Variants in RIPK4 observed in about 807,000 individuals in gnomAD.
RIPK4 encodes the protein receptor-interacting serine/threonine-protein kinase 4.
A neutral mutation model predicts 42.9 loss-of-function variants in RIPK4; 17 were observed. The ratio of observed to expected loss-of-function variants is 0.40; its 90% CI spans 0.27 to 0.59. RIPK4 has a LOEUF of 0.59. Ranked by LOEUF, RIPK4 falls within the 20% of genes least tolerant of loss-of-function variation. The pLI is 0.47. For synonymous variants in RIPK4, 498 were observed against 499.1 expected (o/e 1.00, Z 0.03); for missense variants, 897 against 1,104.4 (o/e 0.81, Z 2.66).
intron 1 of RIPK4, among the ~76,000 whole-genome samples, chr21:41,759,175 T>C (rs1333003919): frequency 6.6e-6 from 1 of 152,140 alleles, no homozygotes; most frequent in East Asian, 1.9e-4. Flanking sequence ...CCTAGCTCAC[T>C]GCAACCTCTA....
At chr21:41,744,250 A>G in intron 6 of RIPK4, 110 bp from the exon 7 acceptor site, 1 of 1,066,810 alleles carries the variant, frequency 9.4e-7, no homozygotes, top group Non-Finnish European at 1.3e-6. Context: ...GAGATGGGGG[A>G]GGAAAGGACG....
intron 6 of RIPK4, among the ~76,000 whole-genome samples, chr21:41,745,031 C>A (rs1182879441): frequency 6.6e-6 from 1 of 152,170 alleles, no homozygotes; most frequent in East Asian, 1.9e-4. Context: ...GTGTACCGAG[C>A]CACCCCTACA....
In RIPK4 at chr21:41,756,672, A is replaced by G. The variant is rs2277791; in HGVS notation, c.327T>C (p.Ala109=). 0.14 allele frequency: 219,035 copies of G among 1,614,038 alleles called. 15,923 individuals are homozygous for G. Among genetic ancestry groups the G allele is most frequent in the Middle Eastern group, 0.22 (1,359 of 6,062 alleles). Residue 109 remains alanine (A), a synonymous_variant, in exon 2 of 8, where the codon GCT becomes GCC. Transcript: ENST00000332512. ...METGSLEKLL[A]SEPLPWDLRF... The stretch of plus-strand genomic sequence containing the variant: ...GGAGATCCCATGGCAATGGCTCCGA[A>G]GCCAGCAGCTTTTCCAGGGAGCCCG...
rs1402485765 is a variant in RIPK4 at position 41,760,780 on chromosome 21, C to T, written c.183-3964G>A. Among the ~76,000 whole-genome samples the T allele has an allele frequency of 2.0e-5, 3 of 151,904 alleles. 1 individual carries two copies. The highest frequency in any genetic ancestry group is 7.3e-5 in the African/African-American group (3 of 41,350). On this transcript the variant is annotated intron_variant, in intron 1 of 7. Transcript: ENST00000332512. ...TGGGGGGTGTGGGGGGTGGGCAGGTCGAGTGTGTCTGAATACACTCAAGGA... is the reference window on the plus strand; with the variant it reads ...TGGGGGGTGTGGGGGGTGGGCAGGTTGAGTGTGTCTGAATACACTCAAGGA...
chr21:41,764,129 G>C (rs1465942171), intron 1 of RIPK4, among the ~76,000 whole-genome samples: 1 of 152,136 alleles, frequency 6.6e-6, no homozygotes, highest in African/African-American at 2.4e-5. Context: ...TCCTGTCCCT[G>C]GGAGCCTCGC....
chr21:41,764,930 C>G lies in RIPK4; in HGVS notation c.182+1930G>C, dbSNP rs139749225. ...ACCTCGACCTAGCCACCTGACATGC[C>G]ACCACCTGTCTGCTTTGGGCAGGGT... On this transcript the variant is annotated intron_variant, in intron 1 of 7. Coordinates refer to ENST00000332512, the MANE Select transcript of RIPK4 (RefSeq NM_020639.3). Among the ~76,000 whole-genome samples, 32 of 152,342 alleles carry G rather than the reference C, an allele frequency of 2.1e-4. No homozygotes were observed. The East Asian group carries it at 6.0e-3, about 28-fold the overall frequency.
chr21:41,743,411 C>A (rs889841297), intron 7 of RIPK4, among the ~76,000 whole-genome samples: 1 of 152,260 alleles, frequency 6.6e-6, no homozygotes, highest in Non-Finnish European at 1.5e-5. Flanking sequence ...GGTGGTAAAA[C>A]CTCCAAGGAT....
At chr21:41,757,912 T>G (rs2061208724) in intron 1 of RIPK4, among the ~76,000 whole-genome samples, 1 of 143,372 alleles carries the variant, frequency 7.0e-6, no homozygotes, top group African/African-American at 2.6e-5. Context: ...AACAGGAGAA[T>G]CACTTGAACC....
In RIPK4 at chr21:41,751,107, C is replaced by A. The variant is rs768158256; in HGVS notation, c.613G>T (p.Asp205Tyr). 6.2e-7 allele frequency: 1 copy of A among 1,613,892 alleles called. No homozygotes were observed. The highest frequency in any genetic ancestry group is 8.5e-7 in the Non-Finnish European group (1 of 1,179,964). The change falls in exon 3 of 8, where the codon GAT becomes TAT. Residue 205 changes from aspartate to tyrosine, a missense_variant. Asp to Tyr is a radical substitution (Grantham distance 160, BLOSUM62 -3). Coordinates refer to ENST00000332512, the MANE Select transcript of RIPK4 (RefSeq NM_020639.3). The surrounding 1 kb of genome is among the most constrained non-coding windows in gnomAD (Gnocchi z 4.5). ...CGGCATGTCACACACCTGTATACAT[C>A]GTGCTTGGTGTCGAAGAGCCGGCTC... ...EKSRLFDTKHDVYSFAIVIWG... is the reference protein window; with the variant it reads ...EKSRLFDTKHYVYSFAIVIWG...
At position 41,756,735 on chromosome 21, in the gene RIPK4, G is replaced by A; in HGVS notation, c.264C>T (p.Cys88=). Reference sequence around the variant, plus strand: ...CCATGACCAGGCCGACAGGTTCGCGGCAGATGCCATACACAGGCAGGATGT... The same window carrying A: ...CCATGACCAGGCCGACAGGTTCGCGACAGATGCCATACACAGGCAGGATGT... The part of the protein sequence containing the change: ...FRYILPVYGI[C]REPVGLVMEY... Residue 88 remains cysteine (C), a synonymous_variant, in exon 2 of 8, where the codon TGC becomes TGT. Coordinates refer to ENST00000332512, the MANE Select transcript of RIPK4 (RefSeq NM_020639.3). 1 of 1,614,234 alleles carries A rather than the reference G, an allele frequency of 6.2e-7. No individual in the cohort carries two copies. Among genetic ancestry groups the A allele is most frequent in the Non-Finnish European group, 8.5e-7 (1 of 1,180,054 alleles).
At position 41,742,530 on chromosome 21, in the gene RIPK4, T is replaced by C. The variant is rs1488685213; in HGVS notation, c.1196-533A>G. On this transcript the variant is annotated intron_variant, in intron 7 of 7. Transcript: ENST00000332512. This position sits in a 1 kb window ranked among gnomAD's most constrained non-coding sequence, Gnocchi z 5.1. ...AGTCGGAAGTTTTCTATGATAATCC[T>C]GAAGGGACCGAGCTTCTCGTTTCAG... Among the ~76,000 whole-genome samples, 1 of 152,182 alleles carries C rather than the reference T, an allele frequency of 6.6e-6. No homozygotes were observed.
rs1166958353 is a variant in RIPK4, at chr21:41,741,420, C to T, written c.1773G>A (p.Lys591=). ...GHLPIVKLLA[K]QPGVSVNAQT... ...GGGCGTTCACACTCACCCCCGGCTG[C>T]TTGGCCAGCAGCTTGACGATGGGCA... Residue 591 remains lysine (K), a synonymous_variant, in exon 8 of 8, where the codon AAG becomes AAA. Transcript: ENST00000332512. 1 of 1,612,858 alleles carries T rather than the reference C, an allele frequency of 6.2e-7. No individual in the cohort carries two copies. The highest frequency in any genetic ancestry group is 1.1e-5 in the South Asian group (1 of 91,082).
chr21:41,762,284 G>A (rs1000315605), intron 1 of RIPK4, among the ~76,000 whole-genome samples: 2 of 152,222 alleles, frequency 1.3e-5, no homozygotes, highest in Non-Finnish European at 2.9e-5. Flanking sequence ...AGGGGGTCCC[G>A]GGACCGCCCT....
At chr21:41,743,703 T>C (rs1193220722) in intron 7 of RIPK4, among the ~76,000 whole-genome samples, 179 bp downstream of exon 7, 1 of 152,206 alleles carries the variant, frequency 6.6e-6, no homozygotes, top group African/African-American at 2.4e-5. Context: ...CTAAGTGACA[T>C]AAGACGGAGC....
Position 41,755,530 on chromosome 21 carries a change from G to A in RIPK4, c.474+995C>T, listed in dbSNP as rs572126987. ...TGAATTCAGGTCTCTCCTAATTAAT[G>A]GTCAGGCCATCAGAGAGGCCTGGAA... On this transcript the variant is annotated intron_variant, in intron 2 of 7. Transcript: ENST00000332512. The surrounding 1 kb of genome is among the most constrained non-coding windows in gnomAD (Gnocchi z 4.2). 6.6e-6 allele frequency among the ~76,000 whole-genome samples: 1 copy of A among 152,254 alleles called. No individual in the cohort carries two copies. The highest frequency in any genetic ancestry group is 1.9e-4 in the East Asian group (1 of 5,168).
In RIPK4 at chr21:41,743,884, C is replaced by T; in HGVS notation, c.1193G>A (p.Ser398Asn). 6.3e-7 allele frequency: 1 copy of T among 1,595,174 alleles called. No individual in the cohort carries two copies. The highest frequency in any genetic ancestry group is 8.6e-7 in the Non-Finnish European group (1 of 1,168,818). ...GACACAGAGGCGTCCCCACTCACCG[C>T]TGGTTGAAGGTTCCCGCTCAAAGGA... Reference protein sequence around the residue: ...SLSFEREPSTSDLGTTDVQKK... With the variant: ...SLSFEREPSTNDLGTTDVQKK... Residue 398 changes from serine (S) to asparagine (N), a missense_variant and splice_region_variant, in exon 7 of 8, where the codon AGC becomes AAC. Physicochemically the swap from Ser to Asn is conservative, Grantham distance 46. Coordinates refer to ENST00000332512, the MANE Select transcript of RIPK4 (RefSeq NM_020639.3).
At chr21:41,763,412 C>T (rs775281128) in intron 1 of RIPK4, among the ~76,000 whole-genome samples, 15 of 152,156 alleles carry the variant, frequency 9.9e-5, no homozygotes, top group African/African-American at 3.4e-4. Context: ...AGGCCAGCTG[C>T]GGTTTCCCCT....
At position 41,756,719 on chromosome 21, in the gene RIPK4, G is replaced by A. The variant is rs1411993945; in HGVS notation, c.280C>T (p.Leu94=). ...VYGICREPVG[L]VMEYMETGSL... ...CCCGTCTCCATGTACTCCATGACCA[G>A]GCCGACAGGTTCGCGGCAGATGCCA... Residue 94 remains leucine, a synonymous_variant, in exon 2 of 8, where the codon CTG becomes TTG. Coordinates refer to ENST00000332512, the MANE Select transcript of RIPK4 (RefSeq NM_020639.3). 1 of 1,614,218 alleles carries A rather than the reference G, an allele frequency of 6.2e-7. No homozygotes were observed. Among genetic ancestry groups the A allele is most frequent in the Admixed American group, 1.7e-5 (1 of 60,036 alleles).
intron 3 of RIPK4, among the ~76,000 whole-genome samples, chr21:41,749,889 TAAAAAAAAAAAAA>T (rs776305508): frequency 1.0e-5 from 1 of 99,390 alleles, no homozygotes; most frequent in Non-Finnish European, 2.1e-5. Context: ...CCAAATTGAT[TAAAAAAAAAAAAA>T]AAAAAAAGAA....
Sources: gnomAD v4.1 joint callset for allele counts (sites outside exome capture counted in the v4.1 genomes callset) on GRCh38, gnomAD v4.1.1 for gene constraint, Gnocchi (gnomAD v3.1) non-coding constraint, MANE v1.5 for transcripts, NCBI Gene and HGNC (gene_info 2026-07-23, HGNC 2026-07-21) for gene names.